CLASP2: variants seen among roughly 807,000 people sequenced by gnomAD.
CLASP2 encodes the protein CLIP-associating protein 2.
Under a neutral mutation model 194.4 loss-of-function variants are expected in CLASP2, and 47 were observed. The ratio of observed to expected loss-of-function variants is 0.24; its 90% confidence interval spans 0.19 to 0.31. The LOEUF is 0.31. Among genes scored for constraint, CLASP2 ranks in the 10% least tolerant of loss-of-function variants. The pLI is 1.00. For synonymous variants in CLASP2, 619 were observed against 633.5 expected, an observed-to-expected ratio of 0.98 and a Z score of 0.34; for missense variants, 1,445 against 1,823.6, an observed-to-expected ratio of 0.79 and a Z score of 3.78.
At position 33,534,814 on chromosome 3, in the gene CLASP2, G is replaced by A. The variant is rs189845984; in HGVS notation, c.3787+419C>T. On this transcript the variant is annotated intron_variant, in intron 34 of 38. Transcript: ENST00000682230. ...CTAATGGTAACTTTCCTTATATTTC[G>A]TCCTTGAAATGTATTTTATTAATAA... 7.0e-4 allele frequency among the ~76,000 whole-genome samples: 106 copies of A among 152,148 alleles called. 1 individual carries two copies. The highest frequency in any genetic ancestry group is 7.4e-4 in the Non-Finnish European group (50 of 67,998).
chr3:33,565,094 A>G (rs913328275), intron 27 of CLASP2, among the ~76,000 whole-genome samples: 1 of 152,182 alleles, frequency 6.6e-6, no homozygotes, highest in Non-Finnish European at 1.5e-5. Flanking sequence ...CAAGGTGAAG[A>G]TGACAATAAT....
chr3:33,681,464 C>T (rs1357878180), intron 6 of CLASP2, among the ~76,000 whole-genome samples: 1 of 141,096 alleles, frequency 7.1e-6, no homozygotes, highest in African/African-American at 2.5e-5. Flanking sequence ...TTCCTGACAT[C>T]CCCCCACCAA....
intron 34 of CLASP2, among the ~76,000 whole-genome samples, chr3:33,529,351 G>A (rs894350610): frequency 3.9e-5 from 6 of 152,112 alleles, no homozygotes; most frequent in African/African-American, 1.4e-4. Context: ...CCAAAAAAGA[G>A]CCCAAATAGC....
chr3:33,575,040 T>C (rs2154197491), intron 24 of CLASP2, among the ~76,000 whole-genome samples: 1 of 152,248 alleles, frequency 6.6e-6, no homozygotes, highest in South Asian at 2.1e-4. Flanking sequence ...AGAATTTAAC[T>C]GGTAAATTAT....
At chr3:33,537,872 T>C (rs1402224737) in intron 33 of CLASP2, among the ~76,000 whole-genome samples, 4 of 152,226 alleles carry the variant, frequency 2.6e-5, no homozygotes, top group Admixed American at 2.0e-4. Flanking sequence ...TCGGGCGCAG[T>C]GGCTCACACC....
intron 29 of CLASP2, among the ~76,000 whole-genome samples, chr3:33,553,952 C>A (rs537903347): frequency 7.2e-5 from 11 of 152,128 alleles, no homozygotes; most frequent in Non-Finnish European, 1.5e-4. Flanking sequence ...ATCGGCCAGG[C>A]GCAGTGGCTC....
intron 37 of CLASP2, among the ~76,000 whole-genome samples, chr3:33,510,193 A>G (rs2049341714): frequency 6.6e-6 from 1 of 152,010 alleles, no homozygotes; most frequent in Non-Finnish European, 1.5e-5. Flanking sequence ...AATAGAATAG[A>G]GGTTACCAGG....
chr3:33,666,332 A>T (rs1472960597), intron 6 of CLASP2, among the ~76,000 whole-genome samples: 1 of 152,158 alleles, frequency 6.6e-6, no homozygotes, highest in Admixed American at 6.5e-5. Context: ...AAATAACCAC[A>T]TACCCATTAG....
rs186247475 is a variant in CLASP2, at chr3:33,643,853, A to T, written c.862+904T>A. On this transcript the variant is annotated intron_variant, in intron 8 of 38. Transcript: ENST00000682230. Reference sequence around the variant, plus strand: ...TTCCTTTTTGGTTTTTAATAAAAAGAACTATAGACAAAAAGAAAAAACAAA... The same window carrying T: ...TTCCTTTTTGGTTTTTAATAAAAAGTACTATAGACAAAAAGAAAAAACAAA... Among the ~76,000 whole-genome samples, 37 of 152,146 alleles carry T rather than the reference A, an allele frequency of 2.4e-4. No homozygotes were observed. In the Middle Eastern group the frequency reaches 0.014, roughly 56 times the overall value.
chr3:33,557,090 C>A (rs2061078442), intron 29 of CLASP2, among the ~76,000 whole-genome samples: 1 of 151,988 alleles, frequency 6.6e-6, no homozygotes, highest in Non-Finnish European at 1.5e-5. Context: ...TCTCCTGCCT[C>A]AGCCTCCCGA....
rs764410511 is a variant in CLASP2, at chr3:33,516,973, C to T, written c.3981+8G>A. The T allele has an allele frequency of 1.9e-6, 3 of 1,609,362 alleles. No homozygotes were observed. Among genetic ancestry groups the T allele is most frequent in the South Asian group, 2.2e-5 (2 of 90,486 alleles). On this transcript the variant is annotated splice_region_variant and intron_variant, in intron 35 of 38. Coordinates refer to ENST00000682230, the MANE Select transcript of CLASP2 (RefSeq NM_001365631.1). ...GAAAGGCTACTGTTTACATATTTTG[C>T]CATTTACCTCTTTATCTCCAAGCGT...
chr3:33,590,474 C>T (rs1283032224), intron 21 of CLASP2, among the ~76,000 whole-genome samples: 1 of 152,056 alleles, frequency 6.6e-6, no homozygotes, highest in Non-Finnish European at 1.5e-5. Flanking sequence ...CTGGTCTGGG[C>T]AGCACATATG....
chr3:33,521,460 A>C (rs1460293842), intron 34 of CLASP2, among the ~76,000 whole-genome samples: 1 of 152,230 alleles, frequency 6.6e-6, no homozygotes, highest in Non-Finnish European at 1.5e-5. Flanking sequence ...ATGCACCATC[A>C]CTTCTGCAAT....
intron 6 of CLASP2, among the ~76,000 whole-genome samples, chr3:33,669,859 T>C (rs1334155757): frequency 2.0e-5 from 3 of 152,176 alleles, no homozygotes; most frequent in Admixed American, 6.5e-5. Context: ...AAACTGTCCA[T>C]ATCAACTAAA....
intron 34 of CLASP2, among the ~76,000 whole-genome samples, chr3:33,530,485 A>G (rs534537767): frequency 6.6e-6 from 1 of 152,140 alleles, no homozygotes; most frequent in Non-Finnish European, 1.5e-5. Flanking sequence ...TAAATAAACA[A>G]ATAAATAAAC....
chr3:33,688,472 T>A (rs541242748), intron 3 of CLASP2, 104 bp from the exon 4 acceptor site: 4 of 833,950 alleles, frequency 4.8e-6, no homozygotes, highest in African/African-American at 1.7e-5. Flanking sequence ...GGTAACTGAA[T>A]GTTTTCATCA....
chr3:33,562,346 C>A (rs1277864018), intron 27 of CLASP2, among the ~76,000 whole-genome samples: 2 of 152,142 alleles, frequency 1.3e-5, no homozygotes, highest in African/African-American at 4.8e-5. Flanking sequence ...TAAACTGTCT[C>A]TGGCCTTCTC....
At chr3:33,557,941 A>G (rs1275010495) in intron 29 of CLASP2, among the ~76,000 whole-genome samples, 1 of 152,244 alleles carries the variant, frequency 6.6e-6, no homozygotes, top group Non-Finnish European at 1.5e-5. Flanking sequence ...AGAAGGCTAC[A>G]TAGTTCTTCA....
chr3:33,505,073 C>T (rs1253976369), intron 37 of CLASP2: 2 of 152,520 alleles, frequency 1.3e-5, no homozygotes, highest in African/African-American at 2.4e-5. Flanking sequence ...TTGTTTGCTG[C>T]TTGTCTTGTC....
Sources: gnomAD v4.1 joint callset for allele counts (sites outside exome capture counted in the v4.1 genomes callset) on GRCh38, gnomAD v4.1.1 for gene constraint, MANE v1.5 for transcripts, NCBI Gene and HGNC (gene_info 2026-07-23, HGNC 2026-07-21) for gene names.